Variants in GALNT10 observed in about 807,000 individuals in gnomAD.
The protein encoded by GALNT10 is polypeptide N-acetylgalactosaminyltransferase 10.
GALNT10 carries 41 observed loss-of-function variants against 75.0 expected under a neutral mutation model. The ratio of observed to expected loss-of-function variants is 0.55; its 90% CI spans 0.43 to 0.71. The LOEUF is 0.71. Among genes scored for constraint, GALNT10 ranks in the 30% least tolerant of loss-of-function variants. The pLI, the probability that GALNT10 is intolerant of heterozygous loss-of-function variation, is 0.00. For synonymous variants in GALNT10, 302 were observed against 313.0 expected (o/e 0.96, Z 0.37); for missense variants, 727 against 818.5 (o/e 0.89, Z 1.36).
rs1318525304 is a variant in GALNT10 at position 154,402,236 on chromosome 5, C to G, written c.1057-1868C>G. Among the ~76,000 whole-genome samples the G allele has an allele frequency of 6.6e-6, 1 of 152,188 alleles. No individual in the cohort carries two copies. The highest frequency in any genetic ancestry group is 1.5e-5 in the Non-Finnish European group (1 of 68,020). ...GTCTCTGGCCTCCCCTCCCATCCCT[C>G]TTCCCCTTTCTCCCTCTGCTCCTGC... is the stretch of plus-strand genomic sequence containing the variant. On this transcript the variant is annotated intron_variant, in intron 7 of 11. Transcript: ENST00000297107. The surrounding 1 kb of genome is among the most constrained non-coding windows in gnomAD (Gnocchi z 4.2).
intron 1 of GALNT10, among the ~76,000 whole-genome samples, chr5:154,193,346 C>T (rs1196778138): frequency 6.6e-6 from 1 of 152,182 alleles, no homozygotes; most frequent in African/African-American, 2.4e-5. Context: ...TTCACTCTCC[C>T]ACAGATGCAG....
chr5:154,328,268 CT>C lies in GALNT10; in HGVS notation c.402-1303del, dbSNP rs531868751. On this transcript the variant is annotated intron_variant, in intron 3 of 11. Coordinates refer to ENST00000297107, the MANE Select transcript of GALNT10 (RefSeq NM_198321.4). ...ATATTAAGGAACAATGTTAATTCTTCTGGGTGTTATAATGGTATGAAAGACG... is the reference window on the plus strand; with the variant it reads ...ATATTAAGGAACAATGTTAATTCTTCGGGTGTTATAATGGTATGAAAGACG... 3.3e-5 allele frequency among the ~76,000 whole-genome samples: 5 copies of C among 152,260 alleles called. No homozygotes were observed. In the East Asian group the frequency reaches 9.6e-4, roughly 29 times the overall value.
At chr5:154,371,412 C>T (rs1755561503) in intron 4 of GALNT10, among the ~76,000 whole-genome samples, 1 of 152,096 alleles carries the variant, frequency 6.6e-6, no homozygotes, top group Admixed American at 6.5e-5. Context: ...AACAACTCCT[C>T]CTTATGCCAC....
intron 7 of GALNT10, among the ~76,000 whole-genome samples, chr5:154,394,594 A>G (rs549353371): frequency 6.6e-6 from 1 of 152,308 alleles, no homozygotes; most frequent in East Asian, 1.9e-4. Context: ...AGGTGTATCC[A>G]GTCTAAAGAG....
chr5:154,362,370 T>TCC (rs1755403864), intron 4 of GALNT10, among the ~76,000 whole-genome samples: 1 of 152,070 alleles, frequency 6.6e-6, no homozygotes, highest in Non-Finnish European at 1.5e-5. Context: ...CATTGTGGAG[T>TCC]TCTCTCGGAG....
At chr5:154,285,875 C>T (rs1479174673) in intron 1 of GALNT10, among the ~76,000 whole-genome samples, 1 of 152,220 alleles carries the variant, frequency 6.6e-6, no homozygotes, top group African/African-American at 2.4e-5. Context: ...TTCCCTGCTT[C>T]TCTGTGCACC....
At chr5:154,401,280 T>C (rs1227167984) in intron 7 of GALNT10, among the ~76,000 whole-genome samples, 1 of 152,186 alleles carries the variant, frequency 6.6e-6, no homozygotes, top group African/African-American at 2.4e-5. Flanking sequence ...GCAAGTTTAA[T>C]ATGAAGACAA....
chr5:154,231,702 G>A (rs567752096), intron 1 of GALNT10, among the ~76,000 whole-genome samples: 14 of 152,272 alleles, frequency 9.2e-5, no homozygotes, highest in African/African-American at 3.4e-4. Flanking sequence ...AGGCCATTGT[G>A]GGACAACATC....
rs547618358 is a variant in GALNT10, at chr5:154,313,068, G to A, written c.401+14989G>A. On this transcript the variant is annotated intron_variant, in intron 3 of 11. Transcript: ENST00000297107. The stretch of plus-strand genomic sequence containing the variant: ...TCATGCCTTTAATCCCAACACTTTG[G>A]GAGGCCGAGGCAGGTGGATCACTTG... Among the ~76,000 whole-genome samples, 6 of 152,272 alleles carry A rather than the reference G, an allele frequency of 3.9e-5. No individual in the cohort carries two copies. In the East Asian group the frequency reaches 1.2e-3, roughly 29 times the overall value.
intron 1 of GALNT10, among the ~76,000 whole-genome samples, chr5:154,234,887 G>A (rs749606102): frequency 3.3e-5 from 5 of 152,208 alleles, no homozygotes; most frequent in Non-Finnish European, 5.9e-5. Flanking sequence ...GAATACTTTC[G>A]AGGAGGCCTA....
At chr5:154,245,730 C>T (rs941832621) in intron 1 of GALNT10, among the ~76,000 whole-genome samples, 4 of 150,842 alleles carry the variant, frequency 2.7e-5, no homozygotes, top group Admixed American at 1.3e-4. Context: ...ATATTATGGA[C>T]GTCAATAAAC....
intron 4 of GALNT10, among the ~76,000 whole-genome samples, chr5:154,342,108 T>G (rs1013196137): frequency 1.1e-4 from 16 of 152,146 alleles, no homozygotes; most frequent in African/African-American, 3.6e-4. Flanking sequence ...ATGATGCTGT[T>G]GTTATGGTGA....
intron 4 of GALNT10, among the ~76,000 whole-genome samples, chr5:154,350,887 C>T (rs532755998): frequency 6.6e-6 from 1 of 152,312 alleles, no homozygotes; most frequent in South Asian, 2.1e-4. Flanking sequence ...TGAGGGTACA[C>T]CAGAATCACC....
At chr5:154,229,392 A>G (rs899317263) in intron 1 of GALNT10, among the ~76,000 whole-genome samples, 2 of 152,210 alleles carry the variant, frequency 1.3e-5, no homozygotes, top group Admixed American at 6.5e-5. Context: ...TTAAAACAAT[A>G]TGATTATTTG....
At chr5:154,374,679 G>C (rs1755628566) in intron 4 of GALNT10, among the ~76,000 whole-genome samples, 1 of 152,218 alleles carries the variant, frequency 6.6e-6, no homozygotes, top group Non-Finnish European at 1.5e-5. Context: ...AATATTACAG[G>C]TGGTTCAGAG....
chr5:154,405,016 A>T (rs1267971699), intron 8 of GALNT10, among the ~76,000 whole-genome samples: 1 of 152,228 alleles, frequency 6.6e-6, no homozygotes, highest in Admixed American at 6.5e-5. Context: ...CACAAAAGAA[A>T]AATGAAGAGG....
At chr5:154,351,996 C>T (rs1365977505) in intron 4 of GALNT10, among the ~76,000 whole-genome samples, 1 of 152,222 alleles carries the variant, frequency 6.6e-6, no homozygotes, top group African/African-American at 2.4e-5. Context: ...ACATTATCAT[C>T]ACCTTTTTAG....
Position 154,286,674 on chromosome 5 carries a change from T to C in GALNT10, c.160-8142T>C, listed in dbSNP as rs114232181. 8.0e-3 allele frequency among the ~76,000 whole-genome samples: 1,219 copies of C among 152,316 alleles called. 21 individuals are homozygous for C. The highest frequency in any genetic ancestry group is 0.027 in the African/African-American group (1,120 of 41,564). ...CCCTTGGAAACACAGGATCAGCCCTTTGAAACAATGGCTCCTATCTGTGAG... is the reference window on the plus strand; with the variant it reads ...CCCTTGGAAACACAGGATCAGCCCTCTGAAACAATGGCTCCTATCTGTGAG... On this transcript the variant is annotated intron_variant, in intron 1 of 11. Transcript: ENST00000297107.
chr5:154,374,457 T>C (rs897368415), intron 4 of GALNT10, among the ~76,000 whole-genome samples: 1 of 152,214 alleles, frequency 6.6e-6, no homozygotes, highest in Non-Finnish European at 1.5e-5. Flanking sequence ...TTTCCCTAAG[T>C]GTACCAGCAC....
Sources: gnomAD v4.1 joint callset for allele counts (sites outside exome capture counted in the v4.1 genomes callset) on GRCh38, gnomAD v4.1.1 for gene constraint, Gnocchi (gnomAD v3.1) non-coding constraint, MANE v1.5 for transcripts, NCBI Gene and HGNC (gene_info 2026-07-23, HGNC 2026-07-21) for gene names.